The following NLRP5 variants were observed in gnomAD, a reference collection of about 807,000 sequenced individuals.
NLRP5 encodes the protein NACHT, LRR and PYD domains-containing protein 5.
In NLRP5, 93 loss-of-function variants were observed where a neutral mutation model predicts 113.1. The observed-to-expected ratio is 0.82, with a 90% CI of 0.70 to 0.98. The LOEUF (loss-of-function observed/expected upper bound fraction) is 0.98. NLRP5 is among the 50% of genes least tolerant of loss of function. The probability of loss-of-function intolerance (pLI) is 0.00; values close to 1 mark genes in which losing one functional copy is unlikely to be tolerated. For synonymous variants in NLRP5, 751 were observed against 600.7 expected (o/e 1.25, Z -3.66); for missense variants, 1,808 against 1,514.3 (o/e 1.19, Z -3.22).
chr19:56,024,774 C>T (rs1297003002), intron 6 of NLRP5, among the ~76,000 whole-genome samples: 2 of 151,302 alleles, frequency 1.3e-5, no homozygotes, highest in East Asian at 1.9e-4. Flanking sequence ...AAAAAATCTT[C>T]ATCAGGTGGG....
intron 1 of NLRP5, 59 bp from the exon 2 acceptor site, chr19:56,003,677 G>C: frequency 6.5e-7 from 1 of 1,547,150 alleles, no homozygotes; most frequent in Non-Finnish European, 8.7e-7. Context: ...GATGTTAGTT[G>C]TATCTACTTG....
At chr19:56,058,176 C>A in intron 13 of NLRP5, 64 bp from the exon 14 acceptor site, 1 of 1,216,806 alleles carries the variant, frequency 8.2e-7, no homozygotes, top group African/African-American at 1.5e-5. Context: ...GAAATTCATA[C>A]GGGTTGAATG....
At chr19:56,033,263 A>C (rs989552877) in intron 8 of NLRP5, among the ~76,000 whole-genome samples, 1 of 147,438 alleles carries the variant, frequency 6.8e-6, no homozygotes, top group Admixed American at 6.6e-5. Flanking sequence ...ACAAAAAACA[A>C]AAAAAAACCT....
the NLRP5 span, among the ~76,000 whole-genome samples, chr19:55,990,092 T>G: frequency 2.6e-4 from 19 of 72,476 alleles, no homozygotes; most frequent in African/African-American, 1.1e-3. Context: ...TTTTTTTTTT[T>G]TTTTTTTTTT....
At chr19:56,057,052 C>CT (rs1984181601) in intron 13 of NLRP5, among the ~76,000 whole-genome samples, 1 of 152,194 alleles carries the variant, frequency 6.6e-6, no homozygotes, top group Non-Finnish European at 1.5e-5. Context: ...AGGAGAATCA[C>CT]TTGAACTGGG....
rs142585657 is a variant in NLRP5 at position 56,007,137 on chromosome 19, C to T, written c.443-1651C>T. On this transcript the variant is annotated intron_variant, in intron 2 of 14. Coordinates refer to ENST00000390649, the MANE Select transcript of NLRP5 (RefSeq NM_153447.4). ...CAATACTTTGAGAGTCCTAGGCGGG[C>T]GGATCACTTGAGGTCAGGAGTTCAA... is the stretch of plus-strand genomic sequence containing the variant. Among the ~76,000 whole-genome samples, 1,246 of 151,436 alleles carry T rather than the reference C, an allele frequency of 8.2e-3. 71 individuals are homozygous for T. Among genetic ancestry groups the T allele is most frequent in the African/African-American group, 0.029 (1,166 of 40,822 alleles).
chr19:56,025,691 T>G (rs1008936069), intron 6 of NLRP5, among the ~76,000 whole-genome samples: 1 of 151,742 alleles, frequency 6.6e-6, no homozygotes, highest in African/African-American at 2.4e-5. Context: ...ATTACAGGGG[T>G]GAGCCAGCAC....
intron 7 of NLRP5, among the ~76,000 whole-genome samples, chr19:56,030,714 C>CTTTTTTTTTTTTT (rs770624516): frequency 0.01 from 743 of 71,246 alleles, 127 homozygotes; most frequent in African/African-American, 0.027. Context: ...CTTTCTTCTT[C>CTTTTTTTTTTTTT]TTTTTTTTTT....
the NLRP5 span, among the ~76,000 whole-genome samples, chr19:55,989,785 C>T: frequency 1.2e-3 from 182 of 152,246 alleles, 1 homozygote; most frequent in African/African-American, 3.5e-3. Flanking sequence ...TGTTTTTAAT[C>T]GACTCCTAAA....
chr19:56,058,827 G>A (rs138787832), intron 14 of NLRP5, among the ~76,000 whole-genome samples: 49 of 152,272 alleles, frequency 3.2e-4, no homozygotes, highest in Middle Eastern at 3.4e-3. Flanking sequence ...TAACCCAGGC[G>A]CTCGTGGATG....
At chr19:56,030,849 G>GA (rs1425658770) in intron 7 of NLRP5, among the ~76,000 whole-genome samples, 1 of 151,040 alleles carries the variant, frequency 6.6e-6, no homozygotes, top group Admixed American at 6.6e-5. Context: ...CTAGTAGCTG[G>GA]ACTACAGTTG....
chr19:56,033,534 C>A lies in NLRP5; in HGVS notation c.2448-8C>A, dbSNP rs369084703. 2.2e-5 allele frequency: 36 copies of A among 1,606,742 alleles called. No homozygotes were observed. The highest frequency in any genetic ancestry group is 2.8e-5 in the Non-Finnish European group (33 of 1,175,696). On this transcript the variant is annotated splice_polypyrimidine_tract_variant and splice_region_variant and intron_variant, in intron 8 of 14. Transcript: ENST00000390649. ...AGTGTCGAATGTGTCTCCCCTTCCC[C>A]ATTGCAGGTTTAGAAATGCACAGAT...
At chr19:56,054,258 TG>T (rs1715689748) in intron 13 of NLRP5, among the ~76,000 whole-genome samples, 2 of 151,858 alleles carry the variant, frequency 1.3e-5, no homozygotes, top group African/African-American at 4.8e-5. Context: ...GGTTCAGCCA[TG>T]AAAAGAAAAG....
At chr19:56,034,163 C>A (rs939723443) in intron 9 of NLRP5, among the ~76,000 whole-genome samples, 3 of 152,064 alleles carry the variant, frequency 2.0e-5, no homozygotes, top group African/African-American at 7.2e-5. Flanking sequence ...CCGAGGCAGG[C>A]AGATCACTTG....
chr19:56,002,756 G>A (rs1981706340), intron 1 of NLRP5, among the ~76,000 whole-genome samples: 1 of 151,068 alleles, frequency 6.6e-6, no homozygotes. Flanking sequence ...GAGAATGATG[G>A]TTTCCAGTTT....
chr19:56,019,658 T>A (rs1275431522), intron 5 of NLRP5, among the ~76,000 whole-genome samples: 5 of 152,092 alleles, frequency 3.3e-5, no homozygotes, highest in Admixed American at 1.3e-4. Flanking sequence ...CTCGAATCAA[T>A]CACAACTTTG....
At chr19:56,033,109 G>A (rs917045440) in intron 8 of NLRP5, among the ~76,000 whole-genome samples, 44 of 152,254 alleles carry the variant, frequency 2.9e-4, no homozygotes, top group African/African-American at 1.0e-3. Context: ...AAATTAGCAG[G>A]GCATGGTGGT....
At chr19:55,993,145 G>C in the NLRP5 span, among the ~76,000 whole-genome samples, 2 of 151,804 alleles carry the variant, frequency 1.3e-5, no homozygotes, top group African/African-American at 2.4e-5. Context: ...CACTGCGCCC[G>C]GCCCGAGTGA....
chr19:56,020,677 G>A (rs1982579328), intron 6 of NLRP5, among the ~76,000 whole-genome samples: 1 of 150,670 alleles, frequency 6.6e-6, no homozygotes, highest in Non-Finnish European at 1.5e-5. Context: ...ATAATTCTAG[G>A]GGACTCGAAT....
Sources: allele counts gnomAD v4.1 joint callset (sites outside exome capture counted in the v4.1 genomes callset), GRCh38; gene constraint gnomAD v4.1.1; transcripts MANE v1.5; gene names NCBI Gene and HGNC (gene_info 2026-07-23, HGNC 2026-07-21).